Variants in MMAA observed in about 807,000 individuals in gnomAD.
MMAA encodes metabolism of cobalamin associated A.
MMAA carries 41 observed loss-of-function variants against 45.0 expected under a neutral mutation model. That is an observed-to-expected ratio of 0.91 (90% confidence interval 0.71 to 1.18). The LOEUF is 1.18. Among genes scored for constraint, MMAA ranks in the 50% most tolerant of loss-of-function variants. MMAA has a pLI of 0.00. For synonymous variants in MMAA, 154 were observed against 178.2 expected, an observed-to-expected ratio of 0.86 and a Z score of 1.08; for missense variants, 460 against 495.7, an observed-to-expected ratio of 0.93 and a Z score of 0.68.
intron 1 of MMAA, chr4:145,624,823 C>T (rs1734166762): frequency 6.2e-7 from 1 of 1,608,948 alleles, no homozygotes; most frequent in South Asian, 1.1e-5. Flanking sequence ...ACCTCCTCTA[C>T]CTTACATGGG....
At chr4:145,635,763 A>G (rs1009814536) in intron 1 of MMAA, among the ~76,000 whole-genome samples, 3 of 152,222 alleles carry the variant, frequency 2.0e-5, no homozygotes, top group African/African-American at 4.8e-5. Flanking sequence ...TCTATCCTGC[A>G]GATTTCCTCT....
chr4:145,653,488 A>T (rs1309100266), intron 5 of MMAA, among the ~76,000 whole-genome samples: 1 of 152,202 alleles, frequency 6.6e-6, no homozygotes, highest in Non-Finnish European at 1.5e-5. Context: ...ATAATAATAA[A>T]AAAAGAGATT....
intron 4 of MMAA, 52 bp downstream of exon 4, chr4:145,646,208 T>C (rs1453592868): frequency 1.1e-5 from 18 of 1,601,628 alleles, no homozygotes; most frequent in Non-Finnish European, 1.4e-5. Context: ...GAATGCTATA[T>C]AAAGATGAGT....
intron 4 of MMAA, 149 bp from the exon 5 acceptor site, chr4:145,650,913 C>A: frequency 1.4e-6 from 1 of 731,316 alleles, no homozygotes. Context: ...TTAATACATT[C>A]TTCAGAAGTG....
At chr4:145,646,819 T>G (rs1459095964) in intron 4 of MMAA, among the ~76,000 whole-genome samples, 1 of 152,166 alleles carries the variant, frequency 6.6e-6, no homozygotes, top group African/African-American at 2.4e-5. Context: ...ACATGGCCCA[T>G]CCAGAGAAGT....
intron 1 of MMAA, among the ~76,000 whole-genome samples, chr4:145,638,008 G>A (rs17020467): frequency 0.081 from 12,305 of 152,118 alleles, 597 homozygotes; most frequent in Non-Finnish European, 0.1. Context: ...GCCCTGACTC[G>A]GCATACCATG....
chr4:145,646,850 A>G (rs559601615), intron 4 of MMAA, among the ~76,000 whole-genome samples: 49 of 152,358 alleles, frequency 3.2e-4, no homozygotes, highest in Admixed American at 2.0e-3. Flanking sequence ...CAGGATACTT[A>G]GAGCAAAGAG....
At chr4:145,624,495 T>C (rs1734156273) in intron 1 of MMAA, 3 of 978,278 alleles carry the variant, frequency 3.1e-6, no homozygotes, top group Non-Finnish European at 4.8e-6. Flanking sequence ...TCCTTCTTTG[T>C]ATGGGGGCCT....
Position 145,655,534 on chromosome 4 carries a change from G to C in MMAA, c.*100G>C. 8.7e-7 allele frequency: 1 copy of C among 1,145,600 alleles called. No homozygotes were observed. The highest frequency in any genetic ancestry group is 1.2e-6 in the Non-Finnish European group (1 of 820,974). 71.0% of individuals were successfully genotyped at this position (1,145,600 alleles called of 1,614,324 possible). A position where few individuals can be genotyped will look rare whatever the true frequency, so the allele number is the denominator to read the frequency against. On this transcript the variant is annotated 3_prime_UTR_variant, in exon 7 of 7. Transcript: ENST00000649156. The stretch of plus-strand genomic sequence containing the variant: ...ATATTTTCAGTAATTATTGTATGGT[G>C]CTCTTGTCTTCTTTGTTTGTGACCC...
chr4:145,646,396 A>T (rs1460150265), intron 4 of MMAA: 4 of 479,296 alleles, frequency 8.3e-6, no homozygotes, highest in Non-Finnish European at 1.5e-5. Context: ...GTGGTATATT[A>T]TACATGCCAG....
intron 1 of MMAA, among the ~76,000 whole-genome samples, chr4:145,630,813 T>C (rs914830032): frequency 6.6e-6 from 1 of 152,270 alleles, no homozygotes; most frequent in Non-Finnish European, 1.5e-5. Flanking sequence ...CTCTTAGTAC[T>C]GCTTTTGCTG....
At chr4:145,635,965 C>A (rs1403958865) in intron 1 of MMAA, among the ~76,000 whole-genome samples, 1 of 152,198 alleles carries the variant, frequency 6.6e-6, no homozygotes, top group Non-Finnish European at 1.5e-5. Flanking sequence ...TGAATCTTGG[C>A]CCTGCCACTG....
chr4:145,648,164 TA>T (rs1727988503), intron 4 of MMAA, among the ~76,000 whole-genome samples: 1 of 146,510 alleles, frequency 6.8e-6, no homozygotes, highest in African/African-American at 2.5e-5. Context: ...TTTTTTTTTT[TA>T]AAGACAGAGT....
chr4:145,639,852 T>C, intron 2 of MMAA: 3 of 981,868 alleles, frequency 3.1e-6, no homozygotes, highest in Non-Finnish European at 3.6e-6. Flanking sequence ...GAAATATTCA[T>C]AGGAAGAACT....
Position 145,647,791 on chromosome 4 carries a change from G to C in MMAA, c.733+1635G>C, listed in dbSNP as rs186045857. 9.1e-4 allele frequency among the ~76,000 whole-genome samples: 139 copies of C among 152,232 alleles called. 1 individual carries two copies. The highest frequency in any genetic ancestry group is 6.8e-3 in the Middle Eastern group (2 of 294). On this transcript the variant is annotated intron_variant, in intron 4 of 6. Coordinates refer to ENST00000649156, the MANE Select transcript of MMAA (RefSeq NM_172250.3). ...CTCATTTAATTGCTTCTTTCAAGGC[G>C]CTATCTCCAGATAAAGTCACCTTGA...
Position 145,655,363 on chromosome 4 carries a change from G to C in MMAA, c.1186G>C (p.Val396Leu), listed in dbSNP as rs766454544. 6.2e-7 allele frequency: 1 copy of C among 1,614,186 alleles called. No homozygotes were observed. The highest frequency in any genetic ancestry group is 8.5e-7 in the Non-Finnish European group (1 of 1,180,026). Residue 396 changes from valine (V) to leucine (L), a missense_variant, in exon 7 of 7, where the codon GTT becomes CTT. Coordinates refer to ENST00000649156, the MANE Select transcript of MMAA (RefSeq NM_172250.3). ...REQIPLLEQKVLIGALSPGLA... is the reference protein window; with the variant it reads ...REQIPLLEQKLLIGALSPGLA... ...ACAGATTCCACTTCTGGAACAAAAG[G>C]TTCTCATTGGGGCCCTGTCCCCAGG...
intron 1 of MMAA, chr4:145,625,373 G>A: frequency 1.4e-6 from 1 of 701,882 alleles, no homozygotes; most frequent in Non-Finnish European, 2.7e-6. Context: ...CTGGGGGTTG[G>A]TGCTGGGTAT....
chr4:145,639,070 T>C lies in MMAA; in HGVS notation c.-65-5T>C. 7.1e-7 allele frequency: 1 copy of C among 1,413,276 alleles called. No individual in the cohort carries two copies. Among genetic ancestry groups the C allele is most frequent in the Non-Finnish European group, 1.0e-6 (1 of 997,410 alleles). The allele number at this position is 1,413,276 out of a possible 1,614,324, so 87.5% of individuals were successfully genotyped here. ...AACTGGCTAACATGTTTTTCTTTCT[T>C]CTAGGGAGGTCACAATCACATTGAG... On this transcript the variant is annotated splice_region_variant and splice_polypyrimidine_tract_variant and intron_variant, in intron 1 of 6. Coordinates refer to ENST00000649156, the MANE Select transcript of MMAA (RefSeq NM_172250.3).
chr4:145,623,884 C>T (rs990286451), intron 1 of MMAA, among the ~76,000 whole-genome samples: 1 of 152,152 alleles, frequency 6.6e-6, no homozygotes. Context: ...AAAAGACATA[C>T]CCACAAAGAT....
Sources: allele counts gnomAD v4.1 joint callset (sites outside exome capture counted in the v4.1 genomes callset), GRCh38; gene constraint gnomAD v4.1.1; transcripts MANE v1.5; gene names NCBI Gene and HGNC (gene_info 2026-07-23, HGNC 2026-07-21).